Variants in SGCD observed in about 807,000 individuals in gnomAD.
The protein encoded by SGCD is delta-sarcoglycan.
SGCD carries 18 observed loss-of-function variants against 36.6 expected under a neutral mutation model. That is an observed-to-expected ratio of 0.49 (90% CI 0.34 to 0.73). The LOEUF (loss-of-function observed/expected upper bound fraction) is 0.73. SGCD is among the 30% of genes least tolerant of loss of function. The pLI, the probability that SGCD is intolerant of heterozygous loss-of-function variation, is 0.01. For missense variants in SGCD, 387 were observed against 346.7 expected (o/e 1.12, Z -0.92); for synonymous variants, 133 against 130.6 (o/e 1.02, Z -0.12).
chr5:156,005,745 C>A (rs866871811), intron 1 of SGCD, among the ~76,000 whole-genome samples: 1 of 152,142 alleles, frequency 6.6e-6, no homozygotes, highest in East Asian at 1.9e-4. Context: ...CCACCGTGCC[C>A]GGCCTTTTGT....
intron 1 of SGCD, among the ~76,000 whole-genome samples, chr5:156,023,672 G>C (rs1356659531): frequency 6.6e-6 from 1 of 152,184 alleles, no homozygotes; most frequent in Non-Finnish European, 1.5e-5. Flanking sequence ...GGTTACCTAA[G>C]AGGAAGTGTG....
intron 1 of SGCD, among the ~76,000 whole-genome samples, chr5:155,972,716 A>C (rs911153443): frequency 4.6e-5 from 7 of 152,042 alleles, no homozygotes; most frequent in African/African-American, 1.7e-4. Context: ...GTTTCCCTAC[A>C]CTCCACGCTA....
chr5:156,308,085 A>T (rs1767277870), intron 3 of SGCD, among the ~76,000 whole-genome samples: 1 of 152,154 alleles, frequency 6.6e-6, no homozygotes, highest in Non-Finnish European at 1.5e-5. Flanking sequence ...TAAGAACTTT[A>T]TTTCTTTATA....
chr5:155,795,616 T>C, the SGCD span, among the ~76,000 whole-genome samples: 401 of 152,206 alleles, frequency 2.6e-3, 7 homozygotes, highest in African/African-American at 9.3e-3. Flanking sequence ...CAATAAAACA[T>C]GAATGATAAA....
At chr5:156,097,460 T>A (rs1310971608) in intron 1 of SGCD, among the ~76,000 whole-genome samples, 1 of 152,198 alleles carries the variant, frequency 6.6e-6, no homozygotes, top group African/African-American at 2.4e-5. Context: ...TATTATTCAG[T>A]CCTCAAGTTC....
chr5:156,757,648 G>A lies in SGCD; in HGVS notation c.643G>A (p.Gly215Ser). The change falls in exon 8 of 9, where the codon GGC (glycine) becomes AGC (serine). Residue 215 changes from glycine to serine, a missense_variant. Transcript: ENST00000337851. ...AGGAGTGGAAATCAATGCAGAAGCT[G>A]GCAATATGGAAGCCACCTGCAGGAC... ...PKGVEINAEA[G>S]NMEATCRTEL... The A allele has an allele frequency of 6.2e-7, 1 of 1,610,836 alleles. No individual in the cohort carries two copies. The highest frequency in any genetic ancestry group is 8.5e-7 in the Non-Finnish European group (1 of 1,178,580).
intron 3 of SGCD, among the ~76,000 whole-genome samples, chr5:156,386,426 T>A (rs1032711944): frequency 6.6e-6 from 1 of 152,232 alleles, no homozygotes; most frequent in Non-Finnish European, 1.5e-5. Flanking sequence ...ACAATACATG[T>A]GGCCAAGGGT....
At chr5:156,505,139 G>T (rs1211943920) in intron 3 of SGCD, among the ~76,000 whole-genome samples, 1 of 152,154 alleles carries the variant, frequency 6.6e-6, no homozygotes, top group Non-Finnish European at 1.5e-5. Context: ...ATTTTGGGAG[G>T]GTTCGAGGTG....
rs371850230 is a variant in SGCD at position 156,759,315 on chromosome 5, C to T, written c.798C>T (p.Cys266=). 26 of 1,613,114 alleles carry T rather than the reference C, an allele frequency of 1.6e-5. 1 individual carries two copies. The highest frequency in any genetic ancestry group is 8.9e-5 in the East Asian group (4 of 44,884). ...AGAAGGTCTTCGAGATCTGCGTCTG[C>T]GCCAATGGGAGATTATTCCTGTCTC... ...TRQKVFEICV[C]ANGRLFLSQA... is the part of the protein sequence containing the mutation. The change falls in exon 9 of 9, where the codon TGC becomes TGT. Residue 266 remains cysteine, a synonymous_variant. Coordinates refer to ENST00000337851, the MANE Select transcript of SGCD (RefSeq NM_000337.6).
chr5:156,413,309 G>A (rs760905815), intron 3 of SGCD, among the ~76,000 whole-genome samples: 11 of 152,178 alleles, frequency 7.2e-5, no homozygotes, highest in East Asian at 1.9e-4. Context: ...TGAGATGCAC[G>A]AGATGAGAAG....
At chr5:156,388,178 T>G (rs535709448) in intron 3 of SGCD, among the ~76,000 whole-genome samples, 1 of 152,302 alleles carries the variant, frequency 6.6e-6, no homozygotes, top group South Asian at 2.1e-4. Context: ...TGATTCTGAG[T>G]TATCAAAAAC....
At chr5:156,024,969 A>G (rs1759195291) in intron 1 of SGCD, among the ~76,000 whole-genome samples, 1 of 152,186 alleles carries the variant, frequency 6.6e-6, no homozygotes. Flanking sequence ...AAAAAAAAAA[A>G]AAAGAAATGG....
chr5:156,550,608 C>T (rs1055087880), intron 4 of SGCD, among the ~76,000 whole-genome samples: 2 of 152,204 alleles, frequency 1.3e-5, no homozygotes, highest in Non-Finnish European at 2.9e-5. Context: ...GTTTATGACT[C>T]AATTTTATTC....
chr5:155,922,980 G>T (rs139885305), intron 1 of SGCD, among the ~76,000 whole-genome samples: 1 of 152,280 alleles, frequency 6.6e-6, no homozygotes, highest in African/African-American at 2.4e-5. Context: ...AGTCCTATTA[G>T]CATAACCATA....
intron 1 of SGCD, among the ~76,000 whole-genome samples, chr5:156,071,751 AT>A (rs1240706049): frequency 6.6e-6 from 1 of 152,014 alleles, no homozygotes; most frequent in African/African-American, 2.4e-5. Flanking sequence ...TCCCATTATT[AT>A]TGTGTGGGAG....
chr5:155,902,881 A>T (rs1756421448), intron 1 of SGCD, among the ~76,000 whole-genome samples: 1 of 152,206 alleles, frequency 6.6e-6, no homozygotes, highest in African/African-American at 2.4e-5. Flanking sequence ...TAACCAATGT[A>T]TGAGAACATT....
chr5:155,837,408 T>C, the SGCD span, among the ~76,000 whole-genome samples: 1 of 152,192 alleles, frequency 6.6e-6, no homozygotes, highest in African/African-American at 2.4e-5. Flanking sequence ...TACACCTGCC[T>C]CAACCTCCTG....
At chr5:156,230,551 A>G (rs1379609127) in intron 3 of SGCD, among the ~76,000 whole-genome samples, 1 of 152,146 alleles carries the variant, frequency 6.6e-6, no homozygotes, top group Non-Finnish European at 1.5e-5. Context: ...TCAGCTGTGG[A>G]TACCAGAACC....
the SGCD span, among the ~76,000 whole-genome samples, chr5:155,814,675 A>G: frequency 5.3e-5 from 8 of 152,324 alleles, no homozygotes; most frequent in South Asian, 2.1e-4. Context: ...ATCAAATTCA[A>G]TTTGGAAGGA....
Sources: gnomAD v4.1 joint callset for allele counts (sites outside exome capture counted in the v4.1 genomes callset) on GRCh38, gnomAD v4.1.1 for gene constraint, MANE v1.5 for transcripts, NCBI Gene and HGNC (gene_info 2026-07-23, HGNC 2026-07-21) for gene names.